Variants in ZAP70 observed in about 807,000 individuals in gnomAD.
The protein encoded by ZAP70 is tyrosine-protein kinase ZAP-70.
A neutral mutation model predicts 65.8 loss-of-function variants in ZAP70; 27 were observed. The ratio of observed to expected loss-of-function variants is 0.41; its 90% CI spans 0.30 to 0.57. The LOEUF (loss-of-function observed/expected upper bound fraction) is 0.57. Ranked by LOEUF, ZAP70 falls within the 20% of genes least tolerant of loss-of-function variation. The pLI, the probability that ZAP70 is intolerant of heterozygous loss-of-function variation, is 0.28. For missense variants in ZAP70, 696 were observed against 870.5 expected, an observed-to-expected ratio of 0.80 and a Z score of 2.52; for synonymous variants, 363 against 360.8, an observed-to-expected ratio of 1.01 and a Z score of -0.07.
intron 4 of ZAP70, 82 bp from the exon 5 acceptor site, chr2:97,732,801 G>A (rs1677663262): frequency 1.5e-5 from 24 of 1,588,028 alleles, no homozygotes; most frequent in Non-Finnish European, 2.0e-5. Context: ...GGAGCCCATA[G>A]GGTGTGTTGC....
intron 2 of ZAP70, among the ~76,000 whole-genome samples, chr2:97,718,468 G>T (rs1459348598): frequency 6.6e-6 from 1 of 152,166 alleles, no homozygotes; most frequent in Non-Finnish European, 1.5e-5. Context: ...TACTAGTGAG[G>T]ACAGTCCAGA....
chr2:97,741,546 C>T (rs1414954183), downstream of ZAP70, among the ~76,000 whole-genome samples: 1 of 152,152 alleles, frequency 6.6e-6, no homozygotes, highest in Non-Finnish European at 1.5e-5. Flanking sequence ...CCCGTTCCCT[C>T]CCGGGTGATG....
chr2:97,754,461 G>T, the ZAP70 span, among the ~76,000 whole-genome samples: 1 of 151,990 alleles, frequency 6.6e-6, no homozygotes, highest in African/African-American at 2.4e-5. Context: ...GGAGTGCAGT[G>T]GTATGATCTT....
the ZAP70 span, among the ~76,000 whole-genome samples, chr2:97,748,309 T>C: frequency 6.6e-6 from 1 of 152,222 alleles, no homozygotes; most frequent in Non-Finnish European, 1.5e-5. Context: ...AATAAATGAT[T>C]AAAAACTGTT....
Position 97,739,401 on chromosome 2 carries a change from C to A in ZAP70, c.1763C>A (p.Thr588Asn), listed in dbSNP as rs924497317. The change falls in exon 14 of 14, where the codon ACC (threonine) becomes AAC (asparagine). Residue 588 changes from threonine (T) to asparagine (N), a missense_variant. Physicochemically the swap from Thr to Asn is moderately conservative, Grantham distance 65. Coordinates refer to ENST00000264972, the MANE Select transcript of ZAP70 (RefSeq NM_001079.4). ...YKWEDRPDFL[T>N]VEQRMRACYY... Reference sequence around the variant, plus strand: ...TGGGAGGATCGCCCCGACTTCCTGACCGTGGAGCAGCGCATGCGAGCCTGT... The same window carrying A: ...TGGGAGGATCGCCCCGACTTCCTGAACGTGGAGCAGCGCATGCGAGCCTGT... 1 of 1,613,614 alleles carries A rather than the reference C, an allele frequency of 6.2e-7. No homozygotes were observed. The highest frequency in any genetic ancestry group is 1.1e-5 in the South Asian group (1 of 91,084).
chr2:97,754,002 G>C, the ZAP70 span, among the ~76,000 whole-genome samples: 1 of 151,896 alleles, frequency 6.6e-6, no homozygotes, highest in Non-Finnish European at 1.5e-5. Flanking sequence ...AATAAATAAA[G>C]ACATCCACTA....
chr2:97,718,910 G>A (rs1371561065), intron 2 of ZAP70, among the ~76,000 whole-genome samples: 2 of 152,198 alleles, frequency 1.3e-5, no homozygotes, highest in Admixed American at 6.5e-5. Flanking sequence ...AGGATGGGCT[G>A]GCTGGGTTGG....
chr2:97,732,709 C>T, intron 4 of ZAP70, 174 bp from the exon 5 acceptor site: 1 of 893,052 alleles, frequency 1.1e-6, no homozygotes, highest in African/African-American at 1.7e-5. Flanking sequence ...CCACTTGGCC[C>T]ATCATCAGCA....
At chr2:97,726,157 T>C (rs1559321662) in intron 4 of ZAP70, among the ~76,000 whole-genome samples, 2 of 152,108 alleles carry the variant, frequency 1.3e-5, no homozygotes, top group Non-Finnish European at 2.9e-5. Flanking sequence ...ATGTTAGCTT[T>C]TATATGTGGG....
At position 97,724,031 on chromosome 2, in the gene ZAP70, G is replaced by A. The variant is rs755091373; in HGVS notation, c.-6G>A. The A allele has an allele frequency of 1.9e-6, 3 of 1,548,082 alleles. No homozygotes were observed. Among genetic ancestry groups the A allele is most frequent in the Non-Finnish European group, 2.6e-6 (3 of 1,153,332 alleles). ...GAACCCGCAGGTTTCGGGAGGCCCAGGGGCGATGCCAGACCCCGCGGCGCA... is the reference window on the plus strand; with the variant it reads ...GAACCCGCAGGTTTCGGGAGGCCCAAGGGCGATGCCAGACCCCGCGGCGCA... On this transcript the variant is annotated 5_prime_UTR_variant, in exon 3 of 14. Coordinates refer to ENST00000264972, the MANE Select transcript of ZAP70 (RefSeq NM_001079.4).
the ZAP70 span, among the ~76,000 whole-genome samples, chr2:97,749,716 G>A: frequency 6.6e-6 from 1 of 152,214 alleles, no homozygotes; most frequent in Non-Finnish European, 1.5e-5. Flanking sequence ...TGGGAGGAAT[G>A]GTCCAAATCC....
chr2:97,723,212 TC>T (rs1677227759), intron 2 of ZAP70, among the ~76,000 whole-genome samples: 1 of 152,200 alleles, frequency 6.6e-6, no homozygotes, highest in Non-Finnish European at 1.5e-5. Flanking sequence ...ATTTAACCAG[TC>T]CCCTAGGGAT....
rs1676812762 is a variant in ZAP70 at position 97,713,995 on chromosome 2, G to C, written c.-22+1G>C. On this transcript the variant is annotated splice_donor_variant, in intron 2 of 13. Coordinates refer to ENST00000264972, the MANE Select transcript of ZAP70 (RefSeq NM_001079.4). LOFTEE classifies it low-confidence loss of function (5UTR_SPLICE). Reference sequence around the variant, plus strand: ...TGGACATCCACCTGTACGTCCCCAGGTAAGTGGTGCCTGGGTGGAGTGGCA... The same window carrying C: ...TGGACATCCACCTGTACGTCCCCAGCTAAGTGGTGCCTGGGTGGAGTGGCA... 6.6e-6 allele frequency: 1 copy of C among 152,462 alleles called. No homozygotes were observed. Among genetic ancestry groups the C allele is most frequent in the Admixed American group, 6.5e-5 (1 of 15,290 alleles). The allele number at this position is 152,462 out of a possible 1,614,324, so 9.4% of individuals were successfully genotyped here.
At chr2:97,742,062 G>C (rs919065848), downstream of ZAP70, among the ~76,000 whole-genome samples, 9 of 152,136 alleles carry the variant, frequency 5.9e-5, 1 homozygote, top group Admixed American at 4.6e-4. Flanking sequence ...TAGTGGGAGA[G>C]AATGTCCTTC....
chr2:97,746,389 T>C, the ZAP70 span, among the ~76,000 whole-genome samples: 8 of 152,320 alleles, frequency 5.3e-5, no homozygotes, highest in East Asian at 1.5e-3. Flanking sequence ...AATATACAGT[T>C]ACTCTCTGTA....
chr2:97,720,249 A>T (rs560746240), intron 2 of ZAP70, among the ~76,000 whole-genome samples: 7 of 151,796 alleles, frequency 4.6e-5, no homozygotes, highest in Admixed American at 1.3e-4. Flanking sequence ...TTGTTTTGAG[A>T]TGGAGTTTTG....
At chr2:97,734,389 G>A in intron 8 of ZAP70, 131 bp from the exon 9 acceptor site, 1 of 1,446,830 alleles carries the variant, frequency 6.9e-7, no homozygotes, top group Non-Finnish European at 9.1e-7. Context: ...GAACACGCAT[G>A]GGCACCCACC....
Position 97,724,804 on chromosome 2 carries a change from G to C in ZAP70, c.403-288G>C, listed in dbSNP as rs1164415046. 2.0e-6 allele frequency: 3 copies of C among 1,509,470 alleles called. No homozygotes were observed. The East Asian group carries it at 7.8e-5, about 39-fold the overall frequency. 93.5% of individuals were successfully genotyped at this position (1,509,470 alleles called of 1,614,324 possible). ...GGGTGGCTGTTGGGGAAGATGGGCAGTAGTCGTCCACAGCCTGAGTGACAC... is the reference window on the plus strand; with the variant it reads ...GGGTGGCTGTTGGGGAAGATGGGCACTAGTCGTCCACAGCCTGAGTGACAC... On this transcript the variant is annotated intron_variant, in intron 3 of 13. Coordinates refer to ENST00000264972, the MANE Select transcript of ZAP70 (RefSeq NM_001079.4).
At chr2:97,721,741 A>G (rs1308200776) in intron 2 of ZAP70, among the ~76,000 whole-genome samples, 3 of 138,380 alleles carry the variant, frequency 2.2e-5, no homozygotes, top group Non-Finnish European at 4.7e-5. Context: ...AATCTTTTTC[A>G]TGTTCTATTT....
Sources: allele counts gnomAD v4.1 joint callset (sites outside exome capture counted in the v4.1 genomes callset), GRCh38; gene constraint gnomAD v4.1.1; transcripts MANE v1.5; gene names NCBI Gene and HGNC (gene_info 2026-07-23, HGNC 2026-07-21).